The following RTL4 variants were observed in gnomAD, a reference collection of about 807,000 sequenced individuals.
The protein encoded by RTL4 is retrotransposon Gag-like protein 4.
In RTL4, 4 loss-of-function variants were observed where a neutral mutation model predicts 5.3. That is an observed-to-expected ratio of 0.75 (90% CI 0.37 to 1.72). RTL4 has a LOEUF of 1.72. RTL4 is among the 40% of genes most tolerant of loss of function. The pLI, the probability that RTL4 is intolerant of heterozygous loss-of-function variation, is 0.04. For missense variants in RTL4, 260 were observed against 227.1 expected, an observed-to-expected ratio of 1.14 and a Z score of -0.93; for synonymous variants, 98 against 87.3, an observed-to-expected ratio of 1.12 and a Z score of -0.68.
At chrX:112,141,234 G>T in the RTL4 span, among the ~76,000 whole-genome samples, 2 of 111,576 alleles carry the variant, frequency 1.8e-5, no homozygotes, top group Non-Finnish European at 3.8e-5. Context: ...TTGCTAATCT[G>T]TATAAGTACA....
chrX:112,092,026 T>C, the RTL4 span, among the ~76,000 whole-genome samples: 1 of 111,665 alleles, frequency 9.0e-6, no homozygotes, highest in East Asian at 2.8e-4. Flanking sequence ...TTGTAAGATA[T>C]TATTATAGGT....
the RTL4 span, among the ~76,000 whole-genome samples, chrX:112,164,537 T>G: frequency 8.9e-6 from 1 of 112,625 alleles, no homozygotes; most frequent in Non-Finnish European, 1.9e-5. Flanking sequence ...GCACACTTGT[T>G]AGGCTTTGAC....
At chrX:112,152,192 C>T in the RTL4 span, among the ~76,000 whole-genome samples, 3 of 111,617 alleles carry the variant, frequency 2.7e-5, no homozygotes, top group Non-Finnish European at 3.8e-5. Context: ...TATAGTACTA[C>T]GATCTTCAGG....
At chrX:112,198,889 T>C in the RTL4 span, among the ~76,000 whole-genome samples, 1 of 111,287 alleles carries the variant, frequency 9.0e-6, no homozygotes, top group Non-Finnish European at 1.9e-5. Context: ...GGCTAGGTAC[T>C]GTTCTTTGTG....
At chrX:112,208,996 G>A in the RTL4 span, among the ~76,000 whole-genome samples, 3 of 112,373 alleles carry the variant, frequency 2.7e-5, no homozygotes, top group East Asian at 2.8e-4. Flanking sequence ...CCATGTTACT[G>A]AGCCCATGCT....
the RTL4 span, among the ~76,000 whole-genome samples, chrX:112,209,772 A>G: frequency 2.7e-5 from 3 of 111,752 alleles, no homozygotes; most frequent in African/African-American, 6.5e-5. Flanking sequence ...CTAGTTTATG[A>G]TAGGCAGTTC....
chrX:112,219,871 C>T, the RTL4 span, among the ~76,000 whole-genome samples: 11 of 111,976 alleles, frequency 9.8e-5, no homozygotes, highest in Non-Finnish European at 1.7e-4. Flanking sequence ...TCTGGTTAGA[C>T]GCTTGGAGCC....
the RTL4 span, among the ~76,000 whole-genome samples, chrX:112,088,529 A>G: frequency 8.9e-6 from 1 of 112,234 alleles, no homozygotes; most frequent in African/African-American, 3.2e-5. Flanking sequence ...TTAGTGTACA[A>G]GTATTCGTTT....
At chrX:112,393,038 A>T in the RTL4 span, among the ~76,000 whole-genome samples, 11 of 110,869 alleles carry the variant, frequency 9.9e-5, no homozygotes, top group African/African-American at 3.3e-4. Context: ...GGGTGGCTGG[A>T]GACATCAGTT....
At chrX:112,270,092 T>A in the RTL4 span, among the ~76,000 whole-genome samples, 2 of 112,072 alleles carry the variant, frequency 1.8e-5, no homozygotes, top group African/African-American at 3.2e-5. Flanking sequence ...TCTAATGAAG[T>A]CCCCTTTTTC....
chrX:112,387,763 T>C, the RTL4 span, among the ~76,000 whole-genome samples: 21 of 112,106 alleles, frequency 1.9e-4, no homozygotes, highest in African/African-American at 6.5e-4. Flanking sequence ...CTGTCTATTC[T>C]CTTCCATTGG....
chrX:112,139,133 C>T, the RTL4 span, among the ~76,000 whole-genome samples: 12 of 110,983 alleles, frequency 1.1e-4, no homozygotes, highest in South Asian at 7.7e-4. Context: ...TTAGACTGAG[C>T]GTATGGATTT....
At chrX:112,451,661 C>A (rs547501790), upstream of RTL4, among the ~76,000 whole-genome samples, 3 of 111,906 alleles carry the variant, frequency 2.7e-5, no homozygotes, top group South Asian at 7.5e-4. Flanking sequence ...CTCAGAATCA[C>A]ACAGTTCATA....
chrX:112,324,779 A>G, the RTL4 span, among the ~76,000 whole-genome samples: 18 of 111,431 alleles, frequency 1.6e-4, no homozygotes, highest in Non-Finnish European at 2.8e-4. Flanking sequence ...TATTTGGTCT[A>G]TCTTATAGAA....
At chrX:112,186,827 G>C in the RTL4 span, among the ~76,000 whole-genome samples, 1 of 112,114 alleles carries the variant, frequency 8.9e-6, no homozygotes, top group Non-Finnish European at 1.9e-5. Context: ...TTTACATCTA[G>C]CCCTTACCTT....
At chrX:112,181,703 C>T in the RTL4 span, among the ~76,000 whole-genome samples, 1 of 111,906 alleles carries the variant, frequency 8.9e-6, no homozygotes, top group Non-Finnish European at 1.9e-5. Context: ...AGATAAAATT[C>T]CCATGTTTCT....
the RTL4 span, among the ~76,000 whole-genome samples, chrX:112,139,778 C>G: frequency 1.6e-4 from 18 of 112,239 alleles, no homozygotes; most frequent in South Asian, 6.3e-3. Flanking sequence ...TCCCATAATT[C>G]CCACATGTTG....
the RTL4 span, among the ~76,000 whole-genome samples, chrX:112,402,230 C>T: frequency 9.0e-6 from 1 of 111,631 alleles, no homozygotes; most frequent in African/African-American, 3.3e-5. Context: ...TTATTTCATG[C>T]CTGGTAAGTT....
At chrX:112,428,432 G>C in the RTL4 span, among the ~76,000 whole-genome samples, 1 of 111,399 alleles carries the variant, frequency 9.0e-6, no homozygotes, top group Non-Finnish European at 1.9e-5. Flanking sequence ...TTTAGAACTG[G>C]GTTGTTTAAT....
Sources: allele counts gnomAD v4.1 joint callset (sites outside exome capture counted in the v4.1 genomes callset), GRCh38; gene constraint gnomAD v4.1.1; transcripts MANE v1.5; gene names NCBI Gene and HGNC (gene_info 2026-07-23, HGNC 2026-07-21).